WWOX: variants seen among roughly 807,000 people sequenced by gnomAD.
WWOX encodes the protein WW domain-containing oxidoreductase.
In WWOX, 69 loss-of-function variants were observed where a neutral mutation model predicts 46.2. The observed-to-expected ratio is 1.49, with a 90% CI of 1.23 to 1.82. WWOX has a LOEUF of 1.82. Ranked by LOEUF, WWOX falls within the 40% of genes most tolerant of loss-of-function variation. The pLI, the probability that WWOX is intolerant of heterozygous loss-of-function variation, is 0.00. For missense variants in WWOX, 919 were observed against 542.6 expected (o/e 1.69, Z -6.89); for synonymous variants, 359 against 202.6 (o/e 1.77, Z -6.56).
At chr16:78,901,402 T>C (rs1051385728) in intron 8 of WWOX, among the ~76,000 whole-genome samples, 1 of 152,246 alleles carries the variant, frequency 6.6e-6, no homozygotes, top group Non-Finnish European at 1.5e-5. Context: ...TTCTCTTTTT[T>C]TCCTGTTCTT....
At chr16:78,558,468 T>A (rs2044358534) in intron 8 of WWOX, among the ~76,000 whole-genome samples, 1 of 152,250 alleles carries the variant, frequency 6.6e-6, no homozygotes, top group Non-Finnish European at 1.5e-5. Context: ...CATTTTACAT[T>A]TGGCTACAGT....
At chr16:79,055,903 G>A (rs1055155727) in intron 8 of WWOX, among the ~76,000 whole-genome samples, 2 of 152,106 alleles carry the variant, frequency 1.3e-5, no homozygotes, top group Admixed American at 6.5e-5. Flanking sequence ...TTGGAAGCAG[G>A]GATAAGAAGA....
rs964798694 is a variant in WWOX, at chr16:78,232,705, C to G, written c.516+68416C>G. 3.3e-5 allele frequency among the ~76,000 whole-genome samples: 5 copies of G among 152,086 alleles called. No homozygotes were observed. In the East Asian group the frequency reaches 9.6e-4, roughly 29 times the overall value. ...TGAATTTAGTTTTTCCTAATGGAGG[C>G]CCTTTTGAAGATCAAATGGGATCTG... On this transcript the variant is annotated intron_variant, in intron 5 of 8. Coordinates refer to ENST00000566780, the MANE Select transcript of WWOX (RefSeq NM_016373.4).
At chr16:78,159,894 A>T (rs919790634) in intron 4 of WWOX, among the ~76,000 whole-genome samples, 19 of 151,750 alleles carry the variant, frequency 1.3e-4, no homozygotes, top group Non-Finnish European at 1.9e-4. Context: ...ATGTGGCATA[A>T]TGTTGTCCTT....
chr16:78,705,541 C>T (rs1249840630), intron 8 of WWOX, among the ~76,000 whole-genome samples: 2 of 152,190 alleles, frequency 1.3e-5, no homozygotes, highest in East Asian at 3.9e-4. Flanking sequence ...AGTGCTGGCT[C>T]TGCTCTTAGC....
chr16:78,751,940 T>C (rs1478707265), intron 8 of WWOX, among the ~76,000 whole-genome samples: 5 of 152,178 alleles, frequency 3.3e-5, no homozygotes, highest in Admixed American at 2.6e-4. Context: ...TGTGTCTTTC[T>C]TCTGGTGCCT....
chr16:78,215,471 C>T (rs1369122691), intron 5 of WWOX, among the ~76,000 whole-genome samples: 7 of 152,198 alleles, frequency 4.6e-5, no homozygotes, highest in Non-Finnish European at 1.0e-4. Flanking sequence ...CCTTCATTCT[C>T]TTTCCTGCTG....
chr16:78,426,301 G>T, intron 7 of WWOX, among the ~76,000 whole-genome samples: 1 of 152,144 alleles, frequency 6.6e-6, no homozygotes, highest in East Asian at 1.9e-4. Context: ...AAATCTGCCA[G>T]CCCCAGTCAT....
intron 8 of WWOX, among the ~76,000 whole-genome samples, chr16:78,538,770 T>C (rs1249913101): frequency 6.6e-6 from 1 of 152,256 alleles, no homozygotes; most frequent in African/African-American, 2.4e-5. Context: ...TAGGAGCATT[T>C]TCTTTCTGCT....
At chr16:79,029,233 G>T (rs1003616156) in intron 8 of WWOX, among the ~76,000 whole-genome samples, 1 of 152,110 alleles carries the variant, frequency 6.6e-6, no homozygotes, top group Admixed American at 6.5e-5. Context: ...GTCACGGCTG[G>T]GCCTACTCAG....
At chr16:78,996,369 T>TGGGGGGGGCGGGG in intron 8 of WWOX, 1 of 879,322 alleles carries the variant, frequency 1.1e-6, no homozygotes, top group Non-Finnish European at 1.3e-6. Context: ...GAGTGAATTC[T>TGGGGGGGGCGGGG]GCACCCACCC....
At chr16:78,407,203 C>G (rs371723904) in intron 6 of WWOX, among the ~76,000 whole-genome samples, 2 of 152,122 alleles carry the variant, frequency 1.3e-5, no homozygotes, top group Admixed American at 1.3e-4. Context: ...CAGTTGAACA[C>G]CAGCAAAGAC....
At chr16:78,223,818 G>A (rs2036966540) in intron 5 of WWOX, among the ~76,000 whole-genome samples, 1 of 152,158 alleles carries the variant, frequency 6.6e-6, no homozygotes, top group African/African-American at 2.4e-5. Flanking sequence ...CAAAACAGCA[G>A]CACAACAAAA....
intron 8 of WWOX, among the ~76,000 whole-genome samples, chr16:78,861,876 G>A (rs1433953973): frequency 6.6e-6 from 1 of 152,152 alleles, no homozygotes; most frequent in Non-Finnish European, 1.5e-5. Context: ...TCTATTCAAG[G>A]TTGTAATATC....
intron 8 of WWOX, among the ~76,000 whole-genome samples, chr16:79,010,388 C>G (rs899418479): frequency 2.0e-5 from 3 of 152,088 alleles, no homozygotes; most frequent in African/African-American, 7.2e-5. Context: ...TCTGGAACCC[C>G]AGGACTCAAA....
At chr16:78,908,694 G>C (rs1386143653) in intron 8 of WWOX, among the ~76,000 whole-genome samples, 1 of 152,072 alleles carries the variant, frequency 6.6e-6, no homozygotes, top group Non-Finnish European at 1.5e-5. Context: ...AGTATTGATT[G>C]GTCAGGTTTG....
intron 8 of WWOX, among the ~76,000 whole-genome samples, chr16:78,698,685 G>A (rs992515340): frequency 1.8e-4 from 27 of 152,176 alleles, no homozygotes; most frequent in African/African-American, 6.3e-4. Context: ...TAAACCTTAA[G>A]TATTCTTAAG....
chr16:79,200,671 C>A (rs1021309709), intron 8 of WWOX, among the ~76,000 whole-genome samples: 1 of 152,014 alleles, frequency 6.6e-6, no homozygotes, highest in Non-Finnish European at 1.5e-5. Flanking sequence ...ATTAGACTAA[C>A]CCTCCCTAAG....
In WWOX at chr16:78,770,351, A is replaced by C. The variant is rs543619627; in HGVS notation, c.1056+337599A>C. Among the ~76,000 whole-genome samples, 557 of 138,070 alleles carry C rather than the reference A, an allele frequency of 4.0e-3. 6 individuals carry two copies. Among genetic ancestry groups the C allele is most frequent in the South Asian group, 0.021 (84 of 3,972 alleles). 90.6% of individuals were successfully genotyped at this position (138,070 alleles called of 152,430 possible). ...GGGCCATAGAGTGAGACTCTGTCTC[A>C]AACAAAAAAAAAATTTAACTCTAAA... On this transcript the variant is annotated intron_variant, in intron 8 of 8. Coordinates refer to ENST00000566780, the MANE Select transcript of WWOX (RefSeq NM_016373.4).
Sources: allele counts gnomAD v4.1 joint callset (sites outside exome capture counted in the v4.1 genomes callset), GRCh38; gene constraint gnomAD v4.1.1; transcripts MANE v1.5; gene names NCBI Gene and HGNC (gene_info 2026-07-23, HGNC 2026-07-21).